CGGBP1: variants seen among roughly 807,000 people sequenced by gnomAD.
CGGBP1 encodes CGG triplet repeat binding protein 1, also known as CGG triplet repeat-binding protein 1.
CGGBP1 carries 4 observed loss-of-function variants against 11.4 expected under a neutral mutation model. That is an observed-to-expected ratio of 0.35 (90% CI 0.17 to 0.80). CGGBP1 has a LOEUF of 0.80. CGGBP1 is among the 30% of genes least tolerant of loss of function. The pLI is 0.52. For missense variants in CGGBP1, 135 were observed against 202.1 expected (o/e 0.67, Z 2.01); for synonymous variants, 76 against 74.1 (o/e 1.03, Z -0.13).
chr3:88,121,758 TTATAA>T (rs1310545146), intron 2 of CGGBP1, among the ~76,000 whole-genome samples: 2 of 152,330 alleles, frequency 1.3e-5, no homozygotes, highest in East Asian at 3.9e-4. Flanking sequence ...GATTACGTTT[TTATAA>T]TATTAACCAT....
At chr3:88,133,257 G>C (rs1457446311) in intron 2 of CGGBP1, among the ~76,000 whole-genome samples, 1 of 152,126 alleles carries the variant, frequency 6.6e-6, no homozygotes, top group Non-Finnish European at 1.5e-5. Context: ...GAAAAGCATG[G>C]CTCATTGAAT....
intron 1 of CGGBP1, among the ~76,000 whole-genome samples, chr3:88,148,709 C>T (rs7650912): frequency 0.061 from 9,228 of 152,212 alleles, 823 homozygotes; most frequent in African/African-American, 0.19. Context: ...GGCGCGATCT[C>T]GGCTAACTAT....
chr3:88,125,944 A>G (rs1451148778), intron 2 of CGGBP1, among the ~76,000 whole-genome samples: 1 of 151,836 alleles, frequency 6.6e-6, no homozygotes, highest in Non-Finnish European at 1.5e-5. Context: ...CTGCTGTATA[A>G]CCTTTGGCAT....
At chr3:88,148,436 C>G (rs1707347867) in intron 1 of CGGBP1, among the ~76,000 whole-genome samples, 2 of 152,178 alleles carry the variant, frequency 1.3e-5, no homozygotes, top group South Asian at 4.1e-4. Flanking sequence ...ACTAACAACA[C>G]TCCCAAAAGC....
At chr3:88,116,121 G>A (rs1395560364) in intron 2 of CGGBP1, among the ~76,000 whole-genome samples, 4 of 152,082 alleles carry the variant, frequency 2.6e-5, no homozygotes, top group African/African-American at 7.2e-5. Context: ...TAGGGATTTG[G>A]GGTGTGGTCA....
At chr3:88,129,924 A>G (rs1706344505) in intron 2 of CGGBP1, 1 of 1,135,798 alleles carries the variant, frequency 8.8e-7, no homozygotes, top group Non-Finnish European at 1.2e-6. Flanking sequence ...GAAAATGTCA[A>G]GCTACTTTTA....
chr3:88,133,589 T>C (rs1300058353), intron 2 of CGGBP1, among the ~76,000 whole-genome samples: 3 of 152,030 alleles, frequency 2.0e-5, no homozygotes, highest in Non-Finnish European at 2.9e-5. Flanking sequence ...TTTCCAAATA[T>C]AGCAGTCAGC....
At chr3:88,095,908 C>T in intron 2 of CGGBP1, 1 of 419,556 alleles carries the variant, frequency 2.4e-6, no homozygotes, top group South Asian at 2.0e-5. Flanking sequence ...AGCACCTTCT[C>T]CACAGTCTAC....
At chr3:88,116,012 GATAAT>G (rs1705366711) in intron 2 of CGGBP1, among the ~76,000 whole-genome samples, 1 of 152,154 alleles carries the variant, frequency 6.6e-6, no homozygotes, top group Admixed American at 6.5e-5. Context: ...GAGAGGAAAA[GATAAT>G]ATAGAGAGAA....
In CGGBP1 at chr3:88,052,044, A is replaced by AAAG. The variant is rs1406180400; in HGVS notation, c.*3426_*3428dup. The AAAG allele has an allele frequency of 6.6e-6, 1 of 152,662 alleles. No homozygotes were observed. Among genetic ancestry groups the AAAG allele is most frequent in the African/African-American group, 2.4e-5 (1 of 41,466 alleles). The allele number at this position is 152,662 out of a possible 1,614,324, so 9.5% of individuals were successfully genotyped here. A position where few individuals can be genotyped will look rare whatever the true frequency, so the allele number is the denominator to read the frequency against. Reference sequence around the variant, plus strand: ...ACAATTTTTCTGAAATTTATTTCTAAAAGTCAGAGACAAAACTTTAGAAGT... The same window carrying AAAG: ...ACAATTTTTCTGAAATTTATTTCTAAAAGAAGTCAGAGACAAAACTTTAGAAGT... On this transcript the variant is annotated 3_prime_UTR_variant, in exon 4 of 4. Transcript: ENST00000482016.
rs559755980 is a variant in CGGBP1 at position 88,104,069 on chromosome 3, C to T, written c.-229+36901G>A. Among the ~76,000 whole-genome samples the T allele has an allele frequency of 4.0e-5, 6 of 151,774 alleles. No homozygotes were observed. In the East Asian group the frequency reaches 5.8e-4, roughly 15 times the overall value. On this transcript the variant is annotated intron_variant, in intron 2 of 3. Transcript: ENST00000462901. ...ACCACACCTGGTCAAACTTTCAGTT[C>T]GAGAAAATATATTTCTAAAGTAAAA... is the stretch of plus-strand genomic sequence containing the variant.
chr3:88,059,471 TCAG>T (rs1706710833), upstream of CGGBP1: 3 of 1,518,648 alleles, frequency 2.0e-6, no homozygotes, highest in Non-Finnish European at 2.6e-6. Flanking sequence ...GGCGTCGGAA[TCAG>T]CAGTCGGGAT....
intron 2 of CGGBP1, among the ~76,000 whole-genome samples, chr3:88,097,516 C>T (rs558334493): frequency 1.1e-4 from 16 of 152,244 alleles, no homozygotes; most frequent in South Asian, 2.1e-4. Flanking sequence ...CACCCCAAAT[C>T]GACAGAATAT....
At chr3:88,056,787 C>A (rs1215534784) in intron 3 of CGGBP1, 1 of 152,082 alleles carries the variant, frequency 6.6e-6, no homozygotes, top group African/African-American at 2.4e-5. Flanking sequence ...TACAGCAGAA[C>A]CTCAATTAAA....
At chr3:88,058,308 T>G (rs1189028624) in intron 1 of CGGBP1, 85 bp from the exon 2 acceptor site, 3 of 152,254 alleles carry the variant, frequency 2.0e-5, no homozygotes, top group African/African-American at 7.2e-5. Flanking sequence ...CGTCAACAAC[T>G]GCCACCACGC....
At chr3:88,079,540 G>A (rs1406589804) in intron 2 of CGGBP1, among the ~76,000 whole-genome samples, 1 of 151,906 alleles carries the variant, frequency 6.6e-6, no homozygotes, top group African/African-American at 2.4e-5. Flanking sequence ...AAAGTTATCT[G>A]TAAAGTTAAG....
At position 88,141,146 on chromosome 3, in the gene CGGBP1, G is replaced by A. The variant is rs1036525870; in HGVS notation, c.-337-68C>T. ...TTTGAGATTTAAAAAATTGATATTTGTGTAGCACAGGTAGTGAAGCATTAC... is the reference window on the plus strand; with the variant it reads ...TTTGAGATTTAAAAAATTGATATTTATGTAGCACAGGTAGTGAAGCATTAC... On this transcript the variant is annotated intron_variant, in intron 1 of 3. Transcript: ENST00000462901. 10 of 1,365,778 alleles carry A rather than the reference G, an allele frequency of 7.3e-6. No individual in the cohort carries two copies. In the Admixed American group the frequency reaches 1.3e-4, roughly 17 times the overall value. The allele number at this position is 1,365,778 out of a possible 1,614,324, so 84.6% of individuals were successfully genotyped here.
At chr3:88,115,701 T>G (rs561555228) in intron 2 of CGGBP1, among the ~76,000 whole-genome samples, 2 of 152,232 alleles carry the variant, frequency 1.3e-5, no homozygotes, top group African/African-American at 4.8e-5. Context: ...AACTTCATTC[T>G]TAGAGCCAAA....
At chr3:88,071,229 G>C (rs1707492809) in intron 2 of CGGBP1, among the ~76,000 whole-genome samples, 1 of 152,172 alleles carries the variant, frequency 6.6e-6, no homozygotes. Context: ...TCTGTATTGG[G>C]CCAGTAGTGG....
Sources: gnomAD v4.1 joint callset for allele counts (sites outside exome capture counted in the v4.1 genomes callset) on GRCh38, gnomAD v4.1.1 for gene constraint, MANE v1.5 for transcripts, NCBI Gene and HGNC (gene_info 2026-07-23, HGNC 2026-07-21) for gene names.